The following TRPC7 variants were observed in gnomAD, a reference collection of about 807,000 sequenced individuals.
TRPC7 encodes short transient receptor potential channel 7.
Under a neutral mutation model 90.1 loss-of-function variants are expected in TRPC7, and 42 were observed. The ratio of observed to expected loss-of-function variants is 0.47; its 90% CI spans 0.36 to 0.60. The LOEUF (loss-of-function observed/expected upper bound fraction) is 0.60. TRPC7 is among the 20% of genes least tolerant of loss of function. TRPC7 has a pLI of 0.00. For missense variants in TRPC7, 955 were observed against 1,112.3 expected (o/e 0.86, Z 2.01); for synonymous variants, 451 against 436.3 (o/e 1.03, Z -0.42).
At chr5:136,229,264 C>CT (rs1755740136) in intron 8 of TRPC7, among the ~76,000 whole-genome samples, 1 of 152,194 alleles carries the variant, frequency 6.6e-6, no homozygotes, top group Non-Finnish European at 1.5e-5. Context: ...TGGCCAGGCT[C>CT]ACCTCTTCCT....
chr5:136,224,062 G>T (rs1755548530), intron 10 of TRPC7, among the ~76,000 whole-genome samples: 1 of 152,174 alleles, frequency 6.6e-6, no homozygotes, highest in African/African-American at 2.4e-5. Context: ...TATGGTTGGA[G>T]AGATTCAGTT....
At chr5:136,279,804 T>C (rs1757486322) in intron 3 of TRPC7, among the ~76,000 whole-genome samples, 1 of 152,198 alleles carries the variant, frequency 6.6e-6, no homozygotes, top group Admixed American at 6.5e-5. Flanking sequence ...ACATGCTGTT[T>C]CCAAACCTGG....
At chr5:136,354,479 G>A (rs2649698) in intron 2 of TRPC7, among the ~76,000 whole-genome samples, 34,433 of 152,006 alleles carry the variant, frequency 0.23, 4,735 homozygotes, top group African/African-American at 0.38. Flanking sequence ...CCTCCTGTTG[G>A]CCTGGCCTTT....
intron 2 of TRPC7, among the ~76,000 whole-genome samples, chr5:136,351,206 A>G (rs2149858073): frequency 6.6e-6 from 1 of 152,330 alleles, no homozygotes; most frequent in East Asian, 1.9e-4. Context: ...GGATAGATAC[A>G]GCCAAATGTA....
At chr5:136,251,547 C>T (rs1315177495) in intron 6 of TRPC7, 102 bp downstream of exon 6, 6 of 967,590 alleles carry the variant, frequency 6.2e-6, no homozygotes, top group Middle Eastern at 3.2e-4. Flanking sequence ...TCATGGGCCA[C>T]TTGATTACAA....
intron 3 of TRPC7, among the ~76,000 whole-genome samples, chr5:136,294,820 C>A (rs1297506381): frequency 6.6e-6 from 1 of 152,206 alleles, no homozygotes; most frequent in Non-Finnish European, 1.5e-5. Flanking sequence ...AATCATGCTG[C>A]TATAAAGACA....
chr5:136,240,618 A>G (rs1353835121), intron 7 of TRPC7, among the ~76,000 whole-genome samples: 2 of 152,198 alleles, frequency 1.3e-5, no homozygotes, highest in Admixed American at 1.3e-4. Context: ...ATAGGAGAGC[A>G]ACTCAACTTT....
At chr5:136,302,047 G>A (rs1171979565) in intron 3 of TRPC7, among the ~76,000 whole-genome samples, 1 of 152,114 alleles carries the variant, frequency 6.6e-6, no homozygotes, top group African/African-American at 2.4e-5. Flanking sequence ...TCTCCTTTCA[G>A]TCTTGGTACC....
At chr5:136,358,953 G>C (rs1760475069) in intron 1 of TRPC7, among the ~76,000 whole-genome samples, 1 of 152,136 alleles carries the variant, frequency 6.6e-6, no homozygotes, top group Non-Finnish European at 1.5e-5. Context: ...TGGTCCCAGA[G>C]AATTGTCTTT....
Position 136,247,811 on chromosome 5 carries a change from G to A in TRPC7, c.1580-76C>T, listed in dbSNP as rs1756392787. The stretch of plus-strand genomic sequence containing the variant: ...AAGAGAAACCAGTTAGGCATCTTTA[G>A]AGGTCTCCAACTGCATCATTTGCCA... On this transcript the variant is annotated intron_variant, in intron 6 of 11. Transcript: ENST00000513104. This position sits in a 1 kb window ranked among gnomAD's most constrained non-coding sequence, Gnocchi z 4.2. The A allele has an allele frequency of 1.3e-6, 2 of 1,520,570 alleles. No homozygotes were observed. The highest frequency in any genetic ancestry group is 1.8e-6 in the Non-Finnish European group (2 of 1,129,516). The allele number at this position is 1,520,570 out of a possible 1,614,324, so 94.2% of individuals were successfully genotyped here.
At chr5:136,295,947 A>G (rs1758154548) in intron 3 of TRPC7, among the ~76,000 whole-genome samples, 1 of 152,234 alleles carries the variant, frequency 6.6e-6, no homozygotes, top group South Asian at 2.1e-4. Flanking sequence ...TACGCCATCA[A>G]ACCTTACCAC....
intron 10 of TRPC7, among the ~76,000 whole-genome samples, chr5:136,224,889 C>T (rs553224041): frequency 5.3e-4 from 81 of 152,302 alleles, no homozygotes; most frequent in Middle Eastern, 6.8e-3. Context: ...CGAGTGGTCT[C>T]GGCTGACTGT....
intron 2 of TRPC7, among the ~76,000 whole-genome samples, chr5:136,322,634 G>C (rs543608444): frequency 6.6e-6 from 1 of 152,264 alleles, no homozygotes; most frequent in South Asian, 2.1e-4. Flanking sequence ...CTCCCGAGTA[G>C]CTGGGACTAC....
intron 6 of TRPC7, among the ~76,000 whole-genome samples, chr5:136,248,681 G>T (rs1477609914): frequency 6.6e-6 from 1 of 152,198 alleles, no homozygotes; most frequent in Admixed American, 6.5e-5. Flanking sequence ...TCCTGAGCTG[G>T]GAAGGCTCTG....
chr5:136,279,676 C>G (rs560991721), intron 3 of TRPC7, among the ~76,000 whole-genome samples: 11 of 152,320 alleles, frequency 7.2e-5, no homozygotes, highest in Middle Eastern at 6.8e-3. Flanking sequence ...CTCTCCACCC[C>G]ACTGGAGGCT....
intron 3 of TRPC7, among the ~76,000 whole-genome samples, chr5:136,306,987 G>T (rs929907034): frequency 6.6e-6 from 1 of 152,206 alleles, no homozygotes; most frequent in Non-Finnish European, 1.5e-5. Context: ...CTCACACAAA[G>T]CCTGTTTGGT....
At chr5:136,302,390 T>C (rs918348851) in intron 3 of TRPC7, among the ~76,000 whole-genome samples, 3 of 151,944 alleles carry the variant, frequency 2.0e-5, no homozygotes, top group African/African-American at 7.3e-5. Flanking sequence ...CTCAACCCCT[T>C]CTTCACCCTT....
intron 3 of TRPC7, among the ~76,000 whole-genome samples, chr5:136,288,725 G>A (rs1220207011): frequency 6.6e-6 from 1 of 152,230 alleles, no homozygotes; most frequent in Admixed American, 6.5e-5. Flanking sequence ...GCTTGTCTGG[G>A]AGGGAGTCAA....
chr5:136,271,235 T>C (rs1341936840), intron 4 of TRPC7, among the ~76,000 whole-genome samples: 1 of 152,218 alleles, frequency 6.6e-6, no homozygotes, highest in Non-Finnish European at 1.5e-5. Context: ...GGTTGGATTC[T>C]AAAGTTGTTT....
Sources: allele counts gnomAD v4.1 joint callset (sites outside exome capture counted in the v4.1 genomes callset), GRCh38; gene constraint gnomAD v4.1.1; non-coding constraint Gnocchi (gnomAD v3.1); transcripts MANE v1.5; gene names NCBI Gene and HGNC (gene_info 2026-07-23, HGNC 2026-07-21).